Variants in NRG1 observed in about 807,000 individuals in gnomAD.
NRG1 encodes neuregulin 1, also known as pro-neuregulin-1, membrane-bound isoform.
In NRG1, 18 loss-of-function variants were observed where a neutral mutation model predicts 63.8. That is an observed-to-expected ratio of 0.28 (90% CI 0.19 to 0.42). The LOEUF is 0.42. Ranked by LOEUF, NRG1 falls within the 10% of genes least tolerant of loss-of-function variation. NRG1 has a pLI of 1.00. For missense variants in NRG1, 762 were observed against 814.7 expected (o/e 0.94, Z 0.79); for synonymous variants, 302 against 301.3 (o/e 1.00, Z -0.02).
intron 1 of NRG1, among the ~76,000 whole-genome samples, chr8:32,252,985 G>T (rs529775984): frequency 6.6e-6 from 1 of 151,996 alleles, no homozygotes; most frequent in African/African-American, 2.4e-5. Context: ...CTCATGATTT[G>T]GCTCTCTGTT....
intron 1 of NRG1, among the ~76,000 whole-genome samples, chr8:32,081,200 T>C (rs1827411728): frequency 6.6e-6 from 1 of 152,088 alleles, no homozygotes; most frequent in African/African-American, 2.4e-5. Context: ...CCATTACAAG[T>C]CTAGTTGGCA....
At chr8:31,722,658 C>T (rs1813035938) in intron 1 of NRG1, among the ~76,000 whole-genome samples, 1 of 152,120 alleles carries the variant, frequency 6.6e-6, no homozygotes, top group South Asian at 2.1e-4. Context: ...TATTGACTCT[C>T]AAACATGACC....
intron 1 of NRG1, among the ~76,000 whole-genome samples, chr8:32,425,379 T>A (rs1817231428): frequency 6.6e-6 from 1 of 152,118 alleles, no homozygotes; most frequent in Admixed American, 6.6e-5. Flanking sequence ...CCAGAAGAAA[T>A]GTGAAGACCA....
chr8:31,770,140 T>C (rs1002223355), intron 1 of NRG1, among the ~76,000 whole-genome samples: 1 of 151,980 alleles, frequency 6.6e-6, no homozygotes, highest in African/African-American at 2.4e-5. Flanking sequence ...TAGGTTGGGG[T>C]TATTGTGAAA....
chr8:31,978,649 T>C (rs889266499), intron 1 of NRG1, among the ~76,000 whole-genome samples: 2 of 152,132 alleles, frequency 1.3e-5, no homozygotes, highest in Non-Finnish European at 2.9e-5. Context: ...AGAGTCATAG[T>C]GGATATTTCC....
intron 1 of NRG1, among the ~76,000 whole-genome samples, chr8:31,709,224 A>G (rs890793980): frequency 6.6e-6 from 1 of 151,520 alleles, no homozygotes; most frequent in Non-Finnish European, 1.5e-5. Flanking sequence ...TTTGGTCAAA[A>G]ACCTTTTTCA....
chr8:32,245,023 T>A (rs888097546), intron 1 of NRG1, among the ~76,000 whole-genome samples: 1 of 152,156 alleles, frequency 6.6e-6, no homozygotes, highest in Admixed American at 6.6e-5. Context: ...CTTGATGATG[T>A]TCAGTCTCGG....
intron 5 of NRG1, among the ~76,000 whole-genome samples, chr8:32,638,359 C>T (rs1427560017): frequency 6.6e-6 from 1 of 152,084 alleles, no homozygotes; most frequent in African/African-American, 2.4e-5. Context: ...CCTGTTGCAG[C>T]TCCAACATTC....
chr8:32,507,475 GTGTT>G (rs1257223512), intron 1 of NRG1, among the ~76,000 whole-genome samples: 1 of 152,186 alleles, frequency 6.6e-6, no homozygotes, highest in Non-Finnish European at 1.5e-5. Flanking sequence ...CAACTGGAAA[GTGTT>G]TGATCTGCTT....
intron 1 of NRG1, among the ~76,000 whole-genome samples, chr8:32,207,370 A>G (rs1365802940): frequency 1.3e-5 from 2 of 152,204 alleles, no homozygotes; most frequent in East Asian, 3.8e-4. Flanking sequence ...TTACTTTTGC[A>G]TCAACCTAAT....
chr8:32,360,755 G>A (rs7838052), intron 1 of NRG1, among the ~76,000 whole-genome samples: 18,104 of 152,182 alleles, frequency 0.12, 1,209 homozygotes, highest in Non-Finnish European at 0.15. Flanking sequence ...CAAGGCCCAC[G>A]TCTTCCTGTA....
intron 1 of NRG1, among the ~76,000 whole-genome samples, chr8:32,458,560 C>A (rs1050732610): frequency 5.9e-5 from 9 of 151,972 alleles, no homozygotes; most frequent in South Asian, 4.1e-4. Flanking sequence ...GCCATTTTTT[C>A]TTTTATTTCC....
chr8:31,957,014 GA>G (rs796922550), intron 1 of NRG1, among the ~76,000 whole-genome samples: 89 of 151,332 alleles, frequency 5.9e-4, no homozygotes, highest in South Asian at 8.4e-4. Flanking sequence ...AATAGAGGGG[GA>G]AAAAAAACCC....
At chr8:32,475,897 G>GTATCAGGCT (rs1295667066) in intron 1 of NRG1, among the ~76,000 whole-genome samples, 2 of 152,174 alleles carry the variant, frequency 1.3e-5, no homozygotes, top group Non-Finnish European at 2.9e-5. Flanking sequence ...TTGATCCTAT[G>GTATCAGGCT]TATCAGGCTT....
At chr8:31,679,897 G>T (rs1223999560) in intron 1 of NRG1, among the ~76,000 whole-genome samples, 1 of 151,936 alleles carries the variant, frequency 6.6e-6, no homozygotes, top group Non-Finnish European at 1.5e-5. Context: ...AAAATCAATT[G>T]CATTTCTGTA....
chr8:32,541,068 A>G (rs1832528120), intron 1 of NRG1, among the ~76,000 whole-genome samples: 1 of 152,184 alleles, frequency 6.6e-6, no homozygotes, highest in Non-Finnish European at 1.5e-5. Context: ...ACACACATAC[A>G]CAAAATTCCC....
At chr8:32,699,445 A>G (rs1441940372) in intron 5 of NRG1, among the ~76,000 whole-genome samples, 1 of 152,218 alleles carries the variant, frequency 6.6e-6, no homozygotes, top group African/African-American at 2.4e-5. Flanking sequence ...AGTTGTAGGG[A>G]ATGAAATCTG....
intron 1 of NRG1, among the ~76,000 whole-genome samples, chr8:32,462,459 A>G (rs1274101202): frequency 6.6e-6 from 1 of 152,136 alleles, no homozygotes; most frequent in Non-Finnish European, 1.5e-5. Context: ...GCAATTTAAC[A>G]TATTTATCAC....
At position 32,198,883 on chromosome 8, in the gene NRG1, A is replaced by AAT. The variant is rs544913765; in HGVS notation, c.38-396932_38-396931dup. Among the ~76,000 whole-genome samples, 752 of 150,968 alleles carry AAT rather than the reference A, an allele frequency of 5.0e-3. 7 individuals carry two copies. Among genetic ancestry groups the AAT allele is most frequent in the African/African-American group, 0.016 (658 of 41,306 alleles). On this transcript the variant is annotated intron_variant, in intron 1 of 10. Coordinates refer to the NRG1 transcript ENST00000519301. Reference sequence around the variant, plus strand: ...GTTTCTGAAAACTTGCATATATCTTAATATATATATATATCTTATTTATAT... The same window carrying AAT: ...GTTTCTGAAAACTTGCATATATCTTAATATATATATATATATCTTATTTATAT...
Sources: gnomAD v4.1 joint callset for allele counts (sites outside exome capture counted in the v4.1 genomes callset) on GRCh38, gnomAD v4.1.1 for gene constraint, MANE v1.5 for transcripts, NCBI Gene and HGNC (gene_info 2026-07-23, HGNC 2026-07-21) for gene names.